The following ATP8B4 variants were observed in gnomAD, a reference collection of about 807,000 sequenced individuals.
ATP8B4 encodes probable phospholipid-transporting ATPase IM.
Under a neutral mutation model 145.6 loss-of-function variants are expected in ATP8B4, and 133 were observed. The observed-to-expected ratio is 0.91, with a 90% CI of 0.79 to 1.05. The LOEUF (loss-of-function observed/expected upper bound fraction) is 1.05. Ranked by LOEUF, ATP8B4 falls within the 50% of genes least tolerant of loss-of-function variation. The pLI is 0.00. For missense variants in ATP8B4, 1,458 were observed against 1,425.2 expected, an observed-to-expected ratio of 1.02 and a Z score of -0.37; for synonymous variants, 507 against 492.9, an observed-to-expected ratio of 1.03 and a Z score of -0.38.
At chr15:50,091,894 C>T (rs916167052) in intron 2 of ATP8B4, among the ~76,000 whole-genome samples, 3 of 152,026 alleles carry the variant, frequency 2.0e-5, no homozygotes, top group South Asian at 2.1e-4. Flanking sequence ...CTAAGAATAA[C>T]GATAAATGCT....
At chr15:50,129,206 G>C (rs2057328087) in intron 1 of ATP8B4, among the ~76,000 whole-genome samples, 1 of 152,096 alleles carries the variant, frequency 6.6e-6, no homozygotes, top group African/African-American at 2.4e-5. Context: ...TTATCTTGAG[G>C]AGTCAAATTC....
chr15:49,990,847 G>A (rs1246304876), intron 9 of ATP8B4, among the ~76,000 whole-genome samples: 1 of 152,158 alleles, frequency 6.6e-6, no homozygotes, highest in Non-Finnish European at 1.5e-5. Flanking sequence ...CAATATTGCT[G>A]TTCAAGAATT....
chr15:49,981,374 G>GAAAAAA, intron 10 of ATP8B4, 80 bp from the exon 11 acceptor site: 1 of 1,070,732 alleles, frequency 9.3e-7, no homozygotes, highest in African/African-American at 1.6e-5. Flanking sequence ...AAATGTCTCT[G>GAAAAAA]AAAGAAAAAA....
chr15:49,878,032 C>T (rs535421936), intron 24 of ATP8B4, among the ~76,000 whole-genome samples: 86 of 152,118 alleles, frequency 5.7e-4, no homozygotes, highest in African/African-American at 1.9e-3. Context: ...TAGCATTCCA[C>T]GATCCTGTGA....
chr15:49,957,532 C>A (rs2043682605), intron 14 of ATP8B4, among the ~76,000 whole-genome samples: 4 of 151,730 alleles, frequency 2.6e-5, no homozygotes, highest in Non-Finnish European at 5.9e-5. Flanking sequence ...AAACTATAGC[C>A]CTGTGTTCTA....
At position 49,876,312 on chromosome 15, in the gene ATP8B4, A is replaced by G; in HGVS notation, c.2993T>C (p.Met998Thr). ...GACCACAATGACCAAAGATGTGGCC[A>G]TGGTAACTGCAAAGGACTGGTAGTC... ...IADYQSFAVTMATSLVIVVSV... is the reference protein window; with the variant it reads ...IADYQSFAVTTATSLVIVVSV... The change falls in exon 25 of 28, where the codon ATG (methionine) becomes ACG (threonine). Residue 998 changes from methionine to threonine, a missense_variant. Met to Thr is a moderately conservative substitution (Grantham distance 81). Transcript: ENST00000284509. 2.5e-6 allele frequency: 4 copies of G among 1,614,120 alleles called. No individual in the cohort carries two copies. The highest frequency in any genetic ancestry group is 3.4e-6 in the Non-Finnish European group (4 of 1,179,968).
At chr15:50,031,459 A>G (rs998173969) in intron 6 of ATP8B4, among the ~76,000 whole-genome samples, 1 of 152,170 alleles carries the variant, frequency 6.6e-6, no homozygotes, top group Non-Finnish European at 1.5e-5. Flanking sequence ...TGGAGGGTAC[A>G]TCAATTCTCC....
At chr15:49,950,241 C>A (rs986498303) in intron 14 of ATP8B4, among the ~76,000 whole-genome samples, 3 of 152,072 alleles carry the variant, frequency 2.0e-5, no homozygotes, top group African/African-American at 7.2e-5. Context: ...ATGGTACCAG[C>A]TCCTCCTTGT....
At chr15:50,049,594 T>C (rs1184248765) in intron 3 of ATP8B4, among the ~76,000 whole-genome samples, 1 of 152,220 alleles carries the variant, frequency 6.6e-6, no homozygotes, top group Non-Finnish European at 1.5e-5. Flanking sequence ...CTATTGTAAA[T>C]AGTGCCGTAA....
At chr15:49,979,385 T>C (rs562838754) in intron 12 of ATP8B4, among the ~76,000 whole-genome samples, 1 of 152,290 alleles carries the variant, frequency 6.6e-6, no homozygotes, top group Non-Finnish European at 1.5e-5. Flanking sequence ...AAGAAAAACA[T>C]TTCTAAGAAA....
intron 1 of ATP8B4, among the ~76,000 whole-genome samples, chr15:50,142,049 G>C (rs2044220365): frequency 6.6e-6 from 1 of 152,066 alleles, no homozygotes; most frequent in Non-Finnish European, 1.5e-5. Context: ...TAGGGAAAGA[G>C]GAAGTGGACA....
chr15:49,912,699 C>G (rs1378104811), intron 20 of ATP8B4, among the ~76,000 whole-genome samples: 4 of 152,140 alleles, frequency 2.6e-5, no homozygotes, highest in African/African-American at 7.2e-5. Flanking sequence ...ATACCAAAAT[C>G]AGAGAAGAAC....
In ATP8B4 at chr15:49,987,480, C is replaced by G; in HGVS notation, c.659G>C (p.Ser220Thr). Residue 220 changes from serine to threonine, a missense_variant, in exon 10 of 28, where the codon AGC becomes ACC. Physicochemically the swap from Ser to Thr is moderately conservative, Grantham distance 58. Coordinates refer to ENST00000284509, the MANE Select transcript of ATP8B4 (RefSeq NM_024837.4). ...KFMGILSWKD[S>T]KHSLNNEKII... Reference sequence around the variant, plus strand: ...CTTCTCATTGTTGAGGGAATGCTTGCTGTCTTTCCAAGAAAGGATTCCCAT... The same window carrying G: ...CTTCTCATTGTTGAGGGAATGCTTGGTGTCTTTCCAAGAAAGGATTCCCAT... The G allele has an allele frequency of 6.2e-7, 1 of 1,613,770 alleles. No homozygotes were observed. The highest frequency in any genetic ancestry group is 1.7e-5 in the Admixed American group (1 of 60,006).
chr15:50,095,773 A>G (rs60959211), intron 2 of ATP8B4, among the ~76,000 whole-genome samples: 3,807 of 152,158 alleles, frequency 0.025, 162 homozygotes, highest in African/African-American at 0.088. Flanking sequence ...AAGAAAAGAA[A>G]GAGAATTAGA....
At chr15:50,168,614 G>T (rs1250033968) in intron 1 of ATP8B4, among the ~76,000 whole-genome samples, 1 of 152,180 alleles carries the variant, frequency 6.6e-6, no homozygotes, top group Non-Finnish European at 1.5e-5. Context: ...GGGGGTAAAA[G>T]TCCACAGGGA....
At position 49,898,162 on chromosome 15, in the gene ATP8B4, G is replaced by C; in HGVS notation, c.2379C>G (p.Leu793=). Reference sequence around the variant, plus strand: ...CCAGCTCTACCACTTGGGCTTTCTGGAGTGGAGTGACCCTGCAGCAAATTA... The same window carrying C: ...CCAGCTCTACCACTTGGGCTTTCTGCAGTGGAGTGACCCTGCAGCAAATTA... The part of the protein sequence containing the change: ...KTVICCRVTP[L]QKAQVVELVK... Residue 793 remains leucine (L), a synonymous_variant, in exon 22 of 28, where the codon CTC becomes CTG. Transcript: ENST00000284509. 6.2e-7 allele frequency: 1 copy of C among 1,613,904 alleles called. No homozygotes were observed. Among genetic ancestry groups the C allele is most frequent in the Non-Finnish European group, 8.5e-7 (1 of 1,179,890 alleles).
At chr15:50,070,655 C>G (rs773127551) in intron 3 of ATP8B4, among the ~76,000 whole-genome samples, 3 of 152,192 alleles carry the variant, frequency 2.0e-5, no homozygotes, top group Admixed American at 6.5e-5. Flanking sequence ...CTGTAGTTTT[C>G]TTTCTCCACT....
intron 2 of ATP8B4, among the ~76,000 whole-genome samples, chr15:50,086,815 TATA>T (rs1234852091): frequency 1.4e-5 from 1 of 70,262 alleles, no homozygotes; most frequent in Non-Finnish European, 2.3e-5. Context: ...ATTTATTATA[TATA>T]ATAAAATAAT....
chr15:49,899,276 G>T (rs1354435978), intron 21 of ATP8B4, among the ~76,000 whole-genome samples: 1 of 152,222 alleles, frequency 6.6e-6, no homozygotes, highest in African/African-American at 2.4e-5. Flanking sequence ...CCACAAAGAA[G>T]TAAATTTGTC....
Sources: allele counts gnomAD v4.1 joint callset (sites outside exome capture counted in the v4.1 genomes callset), GRCh38; gene constraint gnomAD v4.1.1; transcripts MANE v1.5; gene names NCBI Gene and HGNC (gene_info 2026-07-23, HGNC 2026-07-21).